SLC24A5: variants seen among roughly 807,000 people sequenced by gnomAD.
SLC24A5 encodes the protein solute carrier family 24 member 5.
SLC24A5 carries 46 observed loss-of-function variants against 51.6 expected under a neutral mutation model. That is an observed-to-expected ratio of 0.89 (90% CI 0.70 to 1.14). The LOEUF (loss-of-function observed/expected upper bound fraction) is 1.14. SLC24A5 is among the 50% of genes most tolerant of loss of function. SLC24A5 has a pLI of 0.00. For missense variants in SLC24A5, 581 were observed against 604.1 expected, an observed-to-expected ratio of 0.96 and a Z score of 0.40; for synonymous variants, 230 against 214.9, an observed-to-expected ratio of 1.07 and a Z score of -0.62.
At chr15:48,133,012 T>A (rs1406830635) in intron 2 of SLC24A5, among the ~76,000 whole-genome samples, 2 of 151,892 alleles carry the variant, frequency 1.3e-5, no homozygotes, top group Admixed American at 1.3e-4. Flanking sequence ...TAAGCTCAAA[T>A]GCCGTCCCAG....
intron 2 of SLC24A5, among the ~76,000 whole-genome samples, chr15:48,130,506 T>A (rs1004239481): frequency 6.6e-6 from 1 of 152,184 alleles, no homozygotes; most frequent in African/African-American, 2.4e-5. Context: ...AAGGACCACC[T>A]GTTGTCCTTC....
intron 7 of SLC24A5, chr15:48,140,511 C>A (rs1443205647): frequency 6.6e-6 from 1 of 152,018 alleles, no homozygotes; most frequent in African/African-American, 2.4e-5. Flanking sequence ...AAAATGTTGA[C>A]CTGACATCAA....
chr15:48,134,512 G>C lies in SLC24A5; in HGVS notation c.463G>C (p.Ala155Pro). Reference protein sequence around the residue: ...SAIYNLLGICAACGLLSNTVS... With the variant: ...SAIYNLLGICPACGLLSNTVS... ...AATTTATAATCTCCTTGGCATCTGT[G>C]CTGCCTGTGGTTTGCTATCTAATAC... The change falls in exon 4 of 9, where the codon GCT becomes CCT. Residue 155 changes from alanine (A) to proline (P), a missense_variant. Physicochemically the swap from Ala to Pro is conservative, Grantham distance 27. Coordinates refer to ENST00000341459, the MANE Select transcript of SLC24A5 (RefSeq NM_205850.3). 1 of 1,613,316 alleles carries C rather than the reference G, an allele frequency of 6.2e-7. No individual in the cohort carries two copies.
At chr15:48,121,819 C>T in intron 1 of SLC24A5, 38 bp from the exon 2 acceptor site, 1 of 1,607,496 alleles carries the variant, frequency 6.2e-7, no homozygotes, top group African/African-American at 1.3e-5. Flanking sequence ...ATGTGTGACT[C>T]CAAACTCTTC....
intron 7 of SLC24A5, chr15:48,139,969 C>A (rs1438042747): frequency 1.3e-5 from 2 of 152,028 alleles, no homozygotes; most frequent in African/African-American, 4.8e-5. Context: ...ACACAGCCTG[C>A]AAAGCCTAAA....
rs372314093 is a variant in SLC24A5 at position 48,134,955 on chromosome 15, T to C, written c.561T>C (p.Leu187=). 1.2e-6 allele frequency: 2 copies of C among 1,611,898 alleles called. No individual in the cohort carries two copies. The highest frequency in any genetic ancestry group is 1.7e-6 in the Non-Finnish European group (2 of 1,178,466). Residue 187 remains leucine (L), a synonymous_variant, in exon 5 of 9, where the codon CTT becomes CTC. Coordinates refer to ENST00000341459, the MANE Select transcript of SLC24A5 (RefSeq NM_205850.3). ...AAYTISAAAV[L]GIIYDNQVYW... ...ACACAATTAGTGCAGCAGCAGTTCTTGGTATAATATATGACAACCAAGTTT... is the reference window on the plus strand; with the variant it reads ...ACACAATTAGTGCAGCAGCAGTTCTCGGTATAATATATGACAACCAAGTTT...
At chr15:48,122,790 AGT>A (rs773819638) in intron 2 of SLC24A5, 19 of 152,166 alleles carry the variant, frequency 1.2e-4, no homozygotes, top group Non-Finnish European at 2.6e-4. Context: ...TATGAGCAAA[AGT>A]GTGTTTCTAG....
At chr15:48,134,162 T>C in intron 2 of SLC24A5, 96 bp from the exon 3 acceptor site, 1 of 1,023,170 alleles carries the variant, frequency 9.8e-7, no homozygotes, top group South Asian at 1.4e-5. Flanking sequence ...ATAGTGGTTT[T>C]ATGTGAAGCT....
intron 6 of SLC24A5, chr15:48,137,205 A>G: frequency 2.4e-6 from 1 of 422,338 alleles, no homozygotes; most frequent in Non-Finnish European, 4.2e-6. Flanking sequence ...TGGTTCACAA[A>G]TGGGACAGAT....
rs1477159019 is a variant in SLC24A5 at position 48,134,291 on chromosome 15, C to T, written c.335C>T (p.Thr112Ile). The change falls in exon 3 of 9, where the codon ACT (threonine) becomes ATT (isoleucine). Residue 112 changes from threonine to isoleucine, a missense_variant. Physicochemically the swap from Thr to Ile is moderately conservative, Grantham distance 89. Transcript: ENST00000341459. ...LGLSQDVAGT[T>I]FMAAGSSAPE... The stretch of plus-strand genomic sequence containing the variant: ...TTGTCTCAGGATGTTGCAGGCACAA[C>T]TTTCATGGCAGCGGGCAGTTCAGCT... 4 of 1,613,672 alleles carry T rather than the reference C, an allele frequency of 2.5e-6. No individual in the cohort carries two copies. Among genetic ancestry groups the T allele is most frequent in the Non-Finnish European group, 3.4e-6 (4 of 1,179,670 alleles).
chr15:48,132,312 C>G (rs1420938421), intron 2 of SLC24A5, among the ~76,000 whole-genome samples: 1 of 152,100 alleles, frequency 6.6e-6, no homozygotes, highest in Non-Finnish European at 1.5e-5. Flanking sequence ...TTCAATCCTT[C>G]CTCTCTGACA....
intron 2 of SLC24A5, among the ~76,000 whole-genome samples, chr15:48,125,861 G>C (rs979368263): frequency 4.6e-5 from 7 of 152,136 alleles, no homozygotes; most frequent in African/African-American, 1.4e-4. Context: ...TTCCAACCTA[G>C]AATACAATGG....
chr15:48,141,459 C>T, intron 8 of SLC24A5: 1 of 292,892 alleles, frequency 3.4e-6, no homozygotes, highest in South Asian at 3.9e-5. Flanking sequence ...TGCCTGTAAT[C>T]CCAGCTACTC....
intron 7 of SLC24A5, 71 bp from the exon 8 acceptor site, chr15:48,141,042 A>G: frequency 7.9e-7 from 1 of 1,266,172 alleles, no homozygotes; most frequent in Non-Finnish European, 1.1e-6. Context: ...CGAAGGAAAT[A>G]TCCAAAATAA....
chr15:48,138,877 C>A (rs2038969038), intron 6 of SLC24A5, 92 bp from the exon 7 acceptor site: 4 of 920,842 alleles, frequency 4.3e-6, no homozygotes, highest in Admixed American at 2.5e-5. Flanking sequence ...ACTGATACAG[C>A]TAATTTATTT....
intron 2 of SLC24A5, among the ~76,000 whole-genome samples, chr15:48,130,423 C>G (rs2038777521): frequency 6.6e-6 from 1 of 152,054 alleles, no homozygotes; most frequent in African/African-American, 2.4e-5. Context: ...CAAAATCTTT[C>G]CTTTCATAAT....
intron 1 of SLC24A5, 95 bp downstream of exon 1, chr15:48,121,260 T>C: frequency 4.5e-6 from 6 of 1,331,834 alleles, no homozygotes; most frequent in Non-Finnish European, 6.1e-6. Context: ...AAATTCTCAA[T>C]GGGCTCACTT....
rs550201688 is a variant in SLC24A5 at position 48,142,115 on chromosome 15, G to A, written c.1267G>A (p.Ala423Thr). Reference protein sequence around the residue: ...CLGIPWFIKTAFINGSAPAEV... With the variant: ...CLGIPWFIKTTFINGSAPAEV... ...TGGTATTCCATGGTTTATTAAAACT[G>A]CATTTATAAATGGATCAGCTCCTGC... The change falls in exon 9 of 9, where the codon GCA (alanine) becomes ACA (threonine). Residue 423 changes from alanine to threonine, a missense_variant. Physicochemically the swap from Ala to Thr is moderately conservative, Grantham distance 58 (BLOSUM62 0). Coordinates refer to ENST00000341459, the MANE Select transcript of SLC24A5 (RefSeq NM_205850.3). 2.5e-6 allele frequency: 4 copies of A among 1,613,794 alleles called. No homozygotes were observed. The Admixed American group carries it at 6.7e-5, about 27-fold the overall frequency.
At chr15:48,140,818 T>A in intron 7 of SLC24A5, 1 of 318,030 alleles carries the variant, frequency 3.1e-6, no homozygotes, top group Non-Finnish European at 6.0e-6. Flanking sequence ...GAGATAATGG[T>A]GGACATAAAC....
Sources: allele counts gnomAD v4.1 joint callset (sites outside exome capture counted in the v4.1 genomes callset), GRCh38; gene constraint gnomAD v4.1.1; transcripts MANE v1.5; gene names NCBI Gene and HGNC (gene_info 2026-07-23, HGNC 2026-07-21).